Variants in CPNE4 observed in about 807,000 individuals in gnomAD.
CPNE4 encodes copine 4.
In CPNE4, 25 loss-of-function variants were observed where a neutral mutation model predicts 67.9. The ratio of observed to expected loss-of-function variants is 0.37; its 90% CI spans 0.27 to 0.51. CPNE4 has a LOEUF of 0.51. Among genes scored for constraint, CPNE4 ranks in the 20% least tolerant of loss-of-function variants. The probability of loss-of-function intolerance (pLI) is 0.93; values close to 1 mark genes in which losing one functional copy is unlikely to be tolerated. For synonymous variants in CPNE4, 242 were observed against 244.9 expected (o/e 0.99, Z 0.11); for missense variants, 464 against 690.8 (o/e 0.67, Z 3.68).
At chr3:131,851,870 G>A (rs896760946) in intron 2 of CPNE4, among the ~76,000 whole-genome samples, 1 of 152,010 alleles carries the variant, frequency 6.6e-6, no homozygotes, top group African/African-American at 2.4e-5. Flanking sequence ...GACATGGGCA[G>A]AAGTGGATTT....
At chr3:132,003,101 AAC>A (rs572475246) in intron 1 of CPNE4, among the ~76,000 whole-genome samples, 57 of 152,258 alleles carry the variant, frequency 3.7e-4, no homozygotes, top group African/African-American at 1.3e-3. Flanking sequence ...TTCTGAATGA[AAC>A]ACATTGTCAC....
Position 131,904,362 on chromosome 3 carries a change from C to T in CPNE4, c.180+902G>A, listed in dbSNP as rs146185991. ...TCATCTTTCTCCAGTCCTCAACCAA[C>T]TCAGACTGAGGTAACCATCCCACTC... On this transcript the variant is annotated intron_variant, in intron 2 of 15. Transcript: ENST00000429747. Among the ~76,000 whole-genome samples the T allele has an allele frequency of 1.2e-4, 18 of 152,236 alleles. No homozygotes were observed. In the East Asian group the frequency reaches 3.5e-3, roughly 30 times the overall value.
chr3:131,737,427 A>G (rs758396319), intron 2 of CPNE4, among the ~76,000 whole-genome samples: 16 of 152,144 alleles, frequency 1.1e-4, no homozygotes, highest in Non-Finnish European at 2.4e-4. Flanking sequence ...TGTTGATACA[A>G]TGAAGGGATG....
chr3:131,873,388 G>C (rs2087298578), intron 2 of CPNE4, among the ~76,000 whole-genome samples: 1 of 152,084 alleles, frequency 6.6e-6, no homozygotes. Flanking sequence ...GGCAAAGCTG[G>C]GCTCTGAGAT....
At position 131,542,605 on chromosome 3, in the gene CPNE4, AG is replaced by A; in HGVS notation, c.1490del (p.Pro497LeufsTer59). 6.2e-7 allele frequency: 1 copy of A among 1,614,126 alleles called. No homozygotes were observed. Among genetic ancestry groups the A allele is most frequent in the Non-Finnish European group, 8.5e-7 (1 of 1,179,992 alleles). ...CGAACTGGACGATGTCTCGAAGAAC[AG>A]GCTCTCCCTTGGGTGACCTCAGAAT... The part of the protein sequence containing the change: ...DGILRSPKGE[P>X]VLRDIVQFVP... On this transcript the variant is annotated frameshift_variant, in exon 15 of 16. Coordinates refer to ENST00000429747, the MANE Select transcript of CPNE4 (RefSeq NM_130808.3). LOFTEE classifies it high-confidence loss of function.
chr3:131,969,651 C>A (rs571266851), intron 1 of CPNE4, among the ~76,000 whole-genome samples: 1 of 152,288 alleles, frequency 6.6e-6, no homozygotes, highest in African/African-American at 2.4e-5. Context: ...TCTTGGTGCA[C>A]TTCAGAGCAC....
intron 2 of CPNE4, among the ~76,000 whole-genome samples, chr3:131,860,314 A>G (rs2086623646): frequency 6.6e-6 from 1 of 152,230 alleles, no homozygotes; most frequent in African/African-American, 2.4e-5. Context: ...TACATATATT[A>G]ATTGAGGGTT....
chr3:131,838,178 G>T (rs1026671589), intron 2 of CPNE4, among the ~76,000 whole-genome samples: 2 of 151,784 alleles, frequency 1.3e-5, no homozygotes, highest in African/African-American at 4.8e-5. Flanking sequence ...AAATGATTTT[G>T]AAAACTAATG....
chr3:131,597,974 GTGTT>G (rs746845349), intron 7 of CPNE4, among the ~76,000 whole-genome samples: 6 of 152,208 alleles, frequency 3.9e-5, no homozygotes, highest in Non-Finnish European at 4.4e-5. Context: ...AATTCTCTGA[GTGTT>G]TGGCCCTGTC....
At chr3:131,715,870 G>A (rs1175099247) in intron 3 of CPNE4, among the ~76,000 whole-genome samples, 1 of 152,178 alleles carries the variant, frequency 6.6e-6, no homozygotes, top group Non-Finnish European at 1.5e-5. Flanking sequence ...ATTGGATGTA[G>A]CAGAAGAGGG....
chr3:131,560,982 C>A (rs1329740549), intron 11 of CPNE4, among the ~76,000 whole-genome samples: 2 of 151,966 alleles, frequency 1.3e-5, no homozygotes, highest in African/African-American at 2.4e-5. Flanking sequence ...CATCACTAAG[C>A]AACTGCTCTA....
intron 1 of CPNE4, among the ~76,000 whole-genome samples, chr3:131,946,012 A>G (rs2071542486): frequency 6.6e-6 from 1 of 152,204 alleles, no homozygotes; most frequent in Non-Finnish European, 1.5e-5. Context: ...TTTTAGAAAT[A>G]ACTTATTGAG....
chr3:131,625,577 AT>A (rs1560004498), intron 7 of CPNE4, among the ~76,000 whole-genome samples: 4 of 152,192 alleles, frequency 2.6e-5, no homozygotes, highest in Non-Finnish European at 5.9e-5. Flanking sequence ...AGGAAAAAAA[AT>A]CTCTTCCAAA....
chr3:131,900,918 G>C (rs774340712), intron 2 of CPNE4, among the ~76,000 whole-genome samples: 28 of 152,020 alleles, frequency 1.8e-4, no homozygotes, highest in Non-Finnish European at 3.8e-4. Flanking sequence ...GTAGTTTTCA[G>C]AATTACTTAG....
intron 1 of CPNE4, among the ~76,000 whole-genome samples, chr3:131,983,988 G>T (rs1302650774): frequency 6.6e-6 from 1 of 152,132 alleles, no homozygotes; most frequent in Non-Finnish European, 1.5e-5. Flanking sequence ...CAGTACTCCT[G>T]CCAAAAGCAA....
intron 2 of CPNE4, among the ~76,000 whole-genome samples, chr3:131,883,525 C>T (rs1043189461): frequency 6.6e-6 from 1 of 152,218 alleles, no homozygotes; most frequent in Non-Finnish European, 1.5e-5. Flanking sequence ...CACGATCTAT[C>T]ACAAGCAGTT....
chr3:131,827,808 T>C (rs550470902), intron 2 of CPNE4, among the ~76,000 whole-genome samples: 41 of 152,034 alleles, frequency 2.7e-4, no homozygotes, highest in African/African-American at 9.2e-4. Flanking sequence ...CAGATCCAGA[T>C]GGGGCAAGAC....
intron 1 of CPNE4, among the ~76,000 whole-genome samples, chr3:131,975,222 C>A (rs2072615392): frequency 6.6e-6 from 1 of 152,092 alleles, no homozygotes; most frequent in Non-Finnish European, 1.5e-5. Context: ...CCTTTCAACA[C>A]TAAGCCTGCA....
chr3:131,758,227 C>G (rs1310989993), intron 2 of CPNE4, among the ~76,000 whole-genome samples: 3 of 152,186 alleles, frequency 2.0e-5, no homozygotes. Context: ...CCCATGAAAG[C>G]AGCCAGGAGG....
Sources: gnomAD v4.1 joint callset for allele counts (sites outside exome capture counted in the v4.1 genomes callset) on GRCh38, gnomAD v4.1.1 for gene constraint, MANE v1.5 for transcripts, NCBI Gene and HGNC (gene_info 2026-07-23, HGNC 2026-07-21) for gene names.